The following NCAM1 variants were observed in gnomAD, a reference collection of about 807,000 sequenced individuals.
The protein encoded by NCAM1 is neural cell adhesion molecule 1, also known as antigen recognized by monoclonal antibody 5.1H11.
NCAM1 carries 14 observed loss-of-function variants against 109.8 expected under a neutral mutation model. The observed-to-expected ratio is 0.13, with a 90% CI of 0.08 to 0.20. The LOEUF is 0.20. Ranked by LOEUF, NCAM1 falls within the 10% of genes least tolerant of loss-of-function variation. NCAM1 has a pLI of 1.00. For missense variants in NCAM1, 774 were observed against 1,109.9 expected, an observed-to-expected ratio of 0.70 and a Z score of 4.30; for synonymous variants, 418 against 442.9, an observed-to-expected ratio of 0.94 and a Z score of 0.70.
intron 1 of NCAM1, among the ~76,000 whole-genome samples, chr11:112,971,646 C>G (rs1223233143): frequency 6.6e-6 from 1 of 152,108 alleles, no homozygotes; most frequent in Non-Finnish European, 1.5e-5. Flanking sequence ...ACTGAAGGTG[C>G]ACATCATTGT....
At chr11:113,102,929 T>G (rs1939938388) in intron 1 of NCAM1, among the ~76,000 whole-genome samples, 1 of 152,204 alleles carries the variant, frequency 6.6e-6, no homozygotes, top group Admixed American at 6.5e-5. Context: ...ACATACTTGC[T>G]TGATTATTAG....
At chr11:113,243,821 C>G (rs1354654561) in intron 14 of NCAM1, 1 of 232,712 alleles carries the variant, frequency 4.3e-6, no homozygotes, top group Non-Finnish European at 9.1e-6. Context: ...GCTCCCCGGG[C>G]CAAGCTTTCC....
At chr11:113,034,603 C>G (rs570237486) in intron 1 of NCAM1, among the ~76,000 whole-genome samples, 3 of 152,162 alleles carry the variant, frequency 2.0e-5, no homozygotes, top group African/African-American at 7.2e-5. Context: ...TTCTGTAGAC[C>G]TGGACGATGT....
At chr11:113,169,108 A>G (rs1438460963) in intron 1 of NCAM1, among the ~76,000 whole-genome samples, 1 of 148,966 alleles carries the variant, frequency 6.7e-6, no homozygotes, top group Non-Finnish European at 1.5e-5. Flanking sequence ...CACATCTCCA[A>G]ATTGCTTTGT....
At chr11:113,153,301 A>G (rs868937549) in intron 1 of NCAM1, among the ~76,000 whole-genome samples, 10 of 152,314 alleles carry the variant, frequency 6.6e-5, no homozygotes, top group Middle Eastern at 6.8e-3. Context: ...TCAGCCTCCC[A>G]AAGTGTTGGG....
At chr11:113,103,490 A>C (rs1939969567) in intron 1 of NCAM1, among the ~76,000 whole-genome samples, 1 of 152,208 alleles carries the variant, frequency 6.6e-6, no homozygotes, top group Non-Finnish European at 1.5e-5. Flanking sequence ...AAAAACTCTC[A>C]ACCCAGTCAA....
chr11:112,975,849 T>C (rs782731278), intron 1 of NCAM1, among the ~76,000 whole-genome samples: 3 of 152,012 alleles, frequency 2.0e-5, no homozygotes, highest in Non-Finnish European at 4.4e-5. Context: ...TTTTATTATT[T>C]GTATTCCTTT....
intron 1 of NCAM1, among the ~76,000 whole-genome samples, chr11:113,138,351 C>T (rs1234613085): frequency 3.3e-5 from 5 of 152,216 alleles, no homozygotes; most frequent in Non-Finnish European, 7.3e-5. Flanking sequence ...CTGGTTATCT[C>T]AGTCCAGCAT....
intron 1 of NCAM1, among the ~76,000 whole-genome samples, chr11:113,123,554 G>T (rs1283541082): frequency 6.6e-6 from 1 of 152,112 alleles, no homozygotes; most frequent in Admixed American, 6.5e-5. Flanking sequence ...ACTGACCATG[G>T]CTGCCATCCT....
chr11:113,217,573 C>G (rs1324234679), intron 8 of NCAM1, among the ~76,000 whole-genome samples: 1 of 152,072 alleles, frequency 6.6e-6, no homozygotes, highest in Non-Finnish European at 1.5e-5. Flanking sequence ...GATCTGGATG[C>G]CATCATGCAG....
intron 19 of NCAM1, chr11:113,272,840 T>C (rs1228901452): frequency 2.7e-5 from 12 of 440,538 alleles, no homozygotes; most frequent in South Asian, 9.9e-5. Context: ...CCCACCCCCA[T>C]GGTCCCTGTC....
At chr11:113,165,193 T>C (rs1160087559) in intron 1 of NCAM1, among the ~76,000 whole-genome samples, 3 of 152,146 alleles carry the variant, frequency 2.0e-5, no homozygotes, top group African/African-American at 7.2e-5. Flanking sequence ...CTTTCCATTA[T>C]TCAGGACCCT....
intron 1 of NCAM1, among the ~76,000 whole-genome samples, chr11:113,147,883 TTGTC>T (rs368804159): frequency 1.4e-4 from 22 of 152,326 alleles, no homozygotes; most frequent in African/African-American, 5.3e-4. Context: ...AGGGTATAAG[TTGTC>T]TGTCCGTGGC....
intron 1 of NCAM1, among the ~76,000 whole-genome samples, chr11:113,202,063 T>A (rs1442923324): frequency 6.6e-6 from 1 of 152,086 alleles, no homozygotes; most frequent in Non-Finnish European, 1.5e-5. Flanking sequence ...TCTCAAGGGG[T>A]TGGAAACATT....
chr11:112,991,893 C>T (rs571514101), intron 1 of NCAM1, among the ~76,000 whole-genome samples: 13 of 152,102 alleles, frequency 8.5e-5, no homozygotes, highest in Non-Finnish European at 1.8e-4. Context: ...ACATCTGTTT[C>T]CTGCCTCATT....
intron 1 of NCAM1, among the ~76,000 whole-genome samples, chr11:113,162,808 G>A (rs1244852520): frequency 1.3e-5 from 2 of 152,152 alleles, no homozygotes; most frequent in African/African-American, 4.8e-5. Context: ...CAGTGGAGAC[G>A]CGATCTCATT....
In NCAM1 at chr11:113,233,914, T is replaced by G. The variant is rs1295379164; in HGVS notation, c.1693+597T>G. On this transcript the variant is annotated intron_variant, in intron 13 of 19. Coordinates refer to ENST00000316851, the MANE Select transcript of NCAM1 (RefSeq NM_181351.5). This position sits in a 1 kb window ranked among gnomAD's most constrained non-coding sequence, Gnocchi z 4.5. Reference sequence around the variant, plus strand: ...TGTGCTTATGTTGGACTCCCCTTTTTGGGTTTAATTGGAATAACTCAGTGA... The same window carrying G: ...TGTGCTTATGTTGGACTCCCCTTTTGGGGTTTAATTGGAATAACTCAGTGA... 6.6e-6 allele frequency among the ~76,000 whole-genome samples: 1 copy of G among 152,222 alleles called. No homozygotes were observed. Among genetic ancestry groups the G allele is most frequent in the Non-Finnish European group, 1.5e-5 (1 of 68,038 alleles).
At chr11:113,007,144 C>A (rs943640363) in intron 1 of NCAM1, among the ~76,000 whole-genome samples, 1 of 152,142 alleles carries the variant, frequency 6.6e-6, no homozygotes, top group Non-Finnish European at 1.5e-5. Flanking sequence ...GACCTATTGT[C>A]TACTTCCACA....
chr11:113,063,323 G>A (rs1299713489), intron 1 of NCAM1, among the ~76,000 whole-genome samples: 6 of 152,150 alleles, frequency 3.9e-5, no homozygotes, highest in Admixed American at 2.6e-4. Context: ...CGTTAATGCC[G>A]AGATAGCCTT....
Sources: allele counts gnomAD v4.1 joint callset (sites outside exome capture counted in the v4.1 genomes callset), GRCh38; gene constraint gnomAD v4.1.1; non-coding constraint Gnocchi (gnomAD v3.1); transcripts MANE v1.5; gene names NCBI Gene and HGNC (gene_info 2026-07-23, HGNC 2026-07-21).